The following VPS13A variants were observed in gnomAD, a reference collection of about 807,000 sequenced individuals.
The protein encoded by VPS13A is intermembrane lipid transfer protein VPS13A.
A neutral mutation model predicts 390.9 loss-of-function variants in VPS13A; 264 were observed. The ratio of observed to expected loss-of-function variants is 0.68; its 90% confidence interval spans 0.61 to 0.75. The LOEUF (loss-of-function observed/expected upper bound fraction) is 0.75. Ranked by LOEUF, VPS13A falls within the 30% of genes least tolerant of loss-of-function variation. The pLI, the probability that VPS13A is intolerant of heterozygous loss-of-function variation, is 0.00. For missense variants in VPS13A, 3,409 were observed against 3,733.9 expected (o/e 0.91, Z 2.27); for synonymous variants, 1,231 against 1,227.1 (o/e 1.00, Z -0.07).
chr9:77,310,099 C>A (rs1283010847), intron 35 of VPS13A, among the ~76,000 whole-genome samples: 2 of 152,100 alleles, frequency 1.3e-5, no homozygotes, highest in Non-Finnish European at 2.9e-5. Flanking sequence ...AAATAATTCT[C>A]AGATTTCCTG....
At chr9:77,262,039 A>C (rs1254986915) in intron 23 of VPS13A, among the ~76,000 whole-genome samples, 1 of 152,100 alleles carries the variant, frequency 6.6e-6, no homozygotes. Context: ...TACTTTCCTA[A>C]GTTTACTATT....
chr9:77,410,979 A>T (rs1834890984), intron 71 of VPS13A, among the ~76,000 whole-genome samples: 1 of 152,220 alleles, frequency 6.6e-6, no homozygotes, highest in South Asian at 2.1e-4. Flanking sequence ...AATCAACAGA[A>T]TATACATTCT....
At chr9:77,384,625 G>T in intron 68 of VPS13A, 1 of 1,610,042 alleles carries the variant, frequency 6.2e-7, no homozygotes. Context: ...ACTCACAGTA[G>T]CAGTAGTGAT....
At chr9:77,253,338 C>G (rs1398242328) in intron 22 of VPS13A, among the ~76,000 whole-genome samples, 2 of 152,092 alleles carry the variant, frequency 1.3e-5, no homozygotes, top group African/African-American at 4.8e-5. Flanking sequence ...TGGAGTCTCC[C>G]TCTGTCACCC....
rs895194020 is a variant in VPS13A, at chr9:77,417,735, G to C, written c.*1729G>C. The C allele has an allele frequency of 1.3e-5, 2 of 152,056 alleles. No individual in the cohort carries two copies. Among genetic ancestry groups the C allele is most frequent in the African/African-American group, 2.4e-5 (1 of 41,384 alleles). 9.4% of individuals were successfully genotyped at this position (152,056 alleles called of 1,614,324 possible). A position where few individuals can be genotyped will look rare whatever the true frequency, so the allele number is the denominator to read the frequency against. On this transcript the variant is annotated 3_prime_UTR_variant, in exon 72 of 72. Transcript: ENST00000360280. ...AAAATTACAGTCCCCTGCCTCCCTGGGTGTAGTGTCGTGAAGTAGAAAAGC... is the reference window on the plus strand; with the variant it reads ...AAAATTACAGTCCCCTGCCTCCCTGCGTGTAGTGTCGTGAAGTAGAAAAGC...
At chr9:77,384,279 A>G (rs1333317484) in intron 68 of VPS13A, among the ~76,000 whole-genome samples, 1 of 151,838 alleles carries the variant, frequency 6.6e-6, no homozygotes, top group Non-Finnish European at 1.5e-5. Flanking sequence ...ACATTATTAC[A>G]GTGTTTCCTG....
At chr9:77,415,931 A>G (rs1245017994) in intron 71 of VPS13A, 25 bp from the exon 72 acceptor site, 5 of 1,612,532 alleles carry the variant, frequency 3.1e-6, no homozygotes, top group Admixed American at 1.7e-5. Context: ...AAGTAAGCAA[A>G]TGTTCATTTA....
At chr9:77,401,329 T>TTGTA (rs1554680531) in intron 68 of VPS13A, among the ~76,000 whole-genome samples, 6 of 140,432 alleles carry the variant, frequency 4.3e-5, no homozygotes, top group Admixed American at 2.9e-4. Context: ...TCACATGAAG[T>TTGTA]TGTGTGTGTG....
chr9:77,356,178 T>A (rs1269223910), intron 54 of VPS13A, among the ~76,000 whole-genome samples: 1 of 152,192 alleles, frequency 6.6e-6, no homozygotes, highest in African/African-American at 2.4e-5. Flanking sequence ...CTCTTCTTCA[T>A]ATACTGCAAG....
chr9:77,185,285 G>A (rs1023258436), intron 1 of VPS13A, among the ~76,000 whole-genome samples: 1 of 152,156 alleles, frequency 6.6e-6, no homozygotes, highest in Non-Finnish European at 1.5e-5. Context: ...GGGACTACAG[G>A]CGCCTGTCAC....
intron 3 of VPS13A, among the ~76,000 whole-genome samples, chr9:77,202,165 A>T (rs72742565): frequency 3.3e-5 from 5 of 152,224 alleles, no homozygotes; most frequent in Middle Eastern, 3.4e-3. Context: ...AAAGGTCTTC[A>T]TAATTATGTG....
At chr9:77,334,379 AT>A (rs1830434855) in intron 46 of VPS13A, among the ~76,000 whole-genome samples, 1 of 152,000 alleles carries the variant, frequency 6.6e-6, no homozygotes. Flanking sequence ...ACACTACCAT[AT>A]CTTCTCATTT....
chr9:77,409,234 C>G (rs1446975730), intron 71 of VPS13A, among the ~76,000 whole-genome samples: 1 of 152,156 alleles, frequency 6.6e-6, no homozygotes, highest in Non-Finnish European at 1.5e-5. Context: ...AGCTGAGGGT[C>G]CTGACTGTTT....
intron 23 of VPS13A, among the ~76,000 whole-genome samples, chr9:77,269,663 T>C (rs1303520239): frequency 6.6e-6 from 1 of 152,230 alleles, no homozygotes; most frequent in Non-Finnish European, 1.5e-5. Context: ...TATCTCTCCA[T>C]TTGCTTAGGT....
In VPS13A at chr9:77,252,109, A is replaced by G. The variant is rs986799425; in HGVS notation, c.2171-126A>G. 4 of 787,544 alleles carry G rather than the reference A, an allele frequency of 5.1e-6. No individual in the cohort carries two copies. The East Asian group carries it at 7.7e-5, about 15-fold the overall frequency. The allele number at this position is 787,544 out of a possible 1,614,324, so 48.8% of individuals were successfully genotyped here. ...GATTGTATGTACCTGAGAATGTGAC[A>G]TTAAGATTACCTAGATGTGGGGAAA... On this transcript the variant is annotated intron_variant, in intron 21 of 71. Transcript: ENST00000360280.
At chr9:77,397,159 T>G (rs955254705) in intron 68 of VPS13A, among the ~76,000 whole-genome samples, 1 of 152,034 alleles carries the variant, frequency 6.6e-6, no homozygotes, top group African/African-American at 2.4e-5. Flanking sequence ...CCAGTTAATT[T>G]TTTGTATTTT....
rs150995153 is a variant in VPS13A, at chr9:77,322,558, A to G, written c.5831-509A>G. Reference sequence around the variant, plus strand: ...TTACGTCTTTTTTTTTAACATTTTTATGGATGGGATGGTAAATGAAATTTA... The same window carrying G: ...TTACGTCTTTTTTTTTAACATTTTTGTGGATGGGATGGTAAATGAAATTTA... On this transcript the variant is annotated intron_variant, in intron 44 of 71. Coordinates refer to ENST00000360280, the MANE Select transcript of VPS13A (RefSeq NM_033305.3). Among the ~76,000 whole-genome samples, 4 of 151,566 alleles carry G rather than the reference A, an allele frequency of 2.6e-5. No homozygotes were observed. In the East Asian group the frequency reaches 7.7e-4, roughly 29 times the overall value.
chr9:77,314,212 A>G, intron 36 of VPS13A, 93 bp downstream of exon 36: 1 of 1,346,746 alleles, frequency 7.4e-7, no homozygotes, highest in Non-Finnish European at 1.0e-6. Context: ...TTTAACATTT[A>G]TTTTGTAGTA....
chr9:77,401,032 A>T (rs1834366224), intron 68 of VPS13A, among the ~76,000 whole-genome samples: 1 of 152,060 alleles, frequency 6.6e-6, no homozygotes, highest in Non-Finnish European at 1.5e-5. Context: ...TCATTTAATA[A>T]ATTTCCGTAA....
Sources: gnomAD v4.1 joint callset for allele counts (sites outside exome capture counted in the v4.1 genomes callset) on GRCh38, gnomAD v4.1.1 for gene constraint, MANE v1.5 for transcripts, NCBI Gene and HGNC (gene_info 2026-07-23, HGNC 2026-07-21) for gene names.